ESRRG: variants seen among roughly 807,000 people sequenced by gnomAD.
ESRRG encodes estrogen-related receptor gamma.
A neutral mutation model predicts 44.0 loss-of-function variants in ESRRG; 13 were observed. The ratio of observed to expected loss-of-function variants is 0.30; its 90% confidence interval spans 0.19 to 0.47. The LOEUF is 0.47. Among genes scored for constraint, ESRRG ranks in the 20% least tolerant of loss-of-function variants. The pLI is 1.00. For missense variants in ESRRG, 395 were observed against 580.6 expected, an observed-to-expected ratio of 0.68 and a Z score of 3.29; for synonymous variants, 215 against 214.6, an observed-to-expected ratio of 1.00 and a Z score of -0.02.
chr1:216,662,617 C>A (rs931865612), intron 2 of ESRRG, among the ~76,000 whole-genome samples: 1 of 147,098 alleles, frequency 6.8e-6, no homozygotes, highest in South Asian at 2.1e-4. Flanking sequence ...GAAAACTTAG[C>A]AGGGAGAGTG....
intron 1 of ESRRG, among the ~76,000 whole-genome samples, chr1:217,085,480 C>CTTT (rs2092021463): frequency 1.4e-4 from 9 of 66,342 alleles, no homozygotes; most frequent in African/African-American, 3.6e-4. Flanking sequence ...CTTTTCTTTT[C>CTTT]ATTTTTTTTT....
intron 1 of ESRRG, among the ~76,000 whole-genome samples, chr1:217,018,337 A>G (rs1248010065): frequency 6.6e-6 from 1 of 152,186 alleles, no homozygotes; most frequent in Non-Finnish European, 1.5e-5. Context: ...AGTCTCCTAG[A>G]CTGGTCCCGT....
chr1:216,750,643 A>G (rs1185201095), intron 2 of ESRRG, among the ~76,000 whole-genome samples: 2 of 152,116 alleles, frequency 1.3e-5, no homozygotes, highest in Non-Finnish European at 2.9e-5. Context: ...CTGACAACCT[A>G]CTGTCCAGTG....
intron 1 of ESRRG, chr1:216,985,947 C>G (rs2074792131): frequency 6.6e-6 from 1 of 152,152 alleles, no homozygotes; most frequent in Non-Finnish European, 1.5e-5. Context: ...AAGACCATGA[C>G]AACTTCTAAA....
chr1:216,734,435 T>C (rs532771593), intron 2 of ESRRG, among the ~76,000 whole-genome samples: 2 of 152,254 alleles, frequency 1.3e-5, no homozygotes, highest in South Asian at 2.1e-4. Flanking sequence ...ATGAGTGTGT[T>C]CTCACTCTGG....
rs1286054859 is a variant in ESRRG, at chr1:216,833,559, A to G, written c.-14+106023T>C. Among the ~76,000 whole-genome samples, 3 of 152,304 alleles carry G rather than the reference A, an allele frequency of 2.0e-5. No individual in the cohort carries two copies. The East Asian group carries it at 5.8e-4, about 29-fold the overall frequency. On this transcript the variant is annotated intron_variant, in intron 2 of 7. Transcript: ENST00000359162. The stretch of plus-strand genomic sequence containing the variant: ...CGTTTCTGTGACAAATTTGACACAC[A>G]AAATTAGCCAATTAGTACCATCATT...
intron 2 of ESRRG, chr1:216,865,312 G>A (rs2096135239): frequency 1.3e-5 from 2 of 151,458 alleles, no homozygotes; most frequent in South Asian, 2.1e-4. Context: ...GAAGGACAAA[G>A]CGGCCGTTTG....
chr1:216,610,209 C>CTTTTTTTTTTTT (rs77574879), intron 3 of ESRRG, among the ~76,000 whole-genome samples: 1 of 140,284 alleles, frequency 7.1e-6, no homozygotes, highest in African/African-American at 2.7e-5. Flanking sequence ...AAATTCAGTG[C>CTTTTTTTTTTTT]TTTTTTTTTT....
chr1:216,785,457 A>G (rs534566859), intron 2 of ESRRG, among the ~76,000 whole-genome samples: 3 of 152,174 alleles, frequency 2.0e-5, no homozygotes, highest in African/African-American at 7.2e-5. Flanking sequence ...TCACGGTGTT[A>G]GGGCACAGTC....
chr1:216,924,308 A>G (rs1011196320), intron 2 of ESRRG, among the ~76,000 whole-genome samples: 1 of 152,164 alleles, frequency 6.6e-6, no homozygotes, highest in Admixed American at 6.5e-5. Context: ...CTATCCTAAC[A>G]TGCAGATTTC....
intron 2 of ESRRG, among the ~76,000 whole-genome samples, chr1:216,861,348 A>G (rs1577346800): frequency 6.6e-6 from 1 of 152,094 alleles, no homozygotes; most frequent in East Asian, 1.9e-4. Flanking sequence ...TATATTTGTA[A>G]ATAGCTAAAA....
intron 3 of ESRRG, among the ~76,000 whole-genome samples, chr1:216,596,559 C>G (rs775630167): frequency 9.2e-5 from 14 of 152,130 alleles, no homozygotes; most frequent in Non-Finnish European, 1.9e-4. Flanking sequence ...GGAGAACAGA[C>G]CAGCTATCTC....
chr1:217,097,533 G>C (rs2092440828), intron 1 of ESRRG, among the ~76,000 whole-genome samples: 2 of 152,176 alleles, frequency 1.3e-5, no homozygotes, highest in Admixed American at 6.5e-5. Flanking sequence ...TAAATGTAAA[G>C]GAGGGCTGCA....
chr1:217,112,958 A>T (rs2092676512), intron 1 of ESRRG, among the ~76,000 whole-genome samples: 1 of 152,220 alleles, frequency 6.6e-6, no homozygotes, highest in Non-Finnish European at 1.5e-5. Flanking sequence ...ACAGATAAGG[A>T]TGTATCTTAA....
intron 1 of ESRRG, among the ~76,000 whole-genome samples, chr1:216,947,209 T>A (rs1314391801): frequency 6.6e-6 from 1 of 152,132 alleles, no homozygotes; most frequent in African/African-American, 2.4e-5. Flanking sequence ...AAGTGGCATC[T>A]GTCTTCTCGG....
chr1:216,689,668 T>G (rs944239037), intron 1 of ESRRG, among the ~76,000 whole-genome samples: 3 of 152,094 alleles, frequency 2.0e-5, no homozygotes, highest in Admixed American at 2.0e-4. Context: ...GAAGATAAAC[T>G]GTTTTATAAC....
intron 3 of ESRRG, among the ~76,000 whole-genome samples, chr1:216,588,666 AC>A (rs2057107978): frequency 1.3e-5 from 2 of 152,234 alleles, no homozygotes; most frequent in African/African-American, 4.8e-5. Context: ...TAAGCAATTC[AC>A]GATTAATACT....
chr1:216,655,330 T>C (rs746720814), intron 2 of ESRRG, among the ~76,000 whole-genome samples: 5 of 151,860 alleles, frequency 3.3e-5, no homozygotes, highest in Non-Finnish European at 7.4e-5. Flanking sequence ...TACATTTTAG[T>C]GGGTGGTGTC....
chr1:216,891,165 GC>G (rs779726418), intron 2 of ESRRG, among the ~76,000 whole-genome samples: 2 of 152,134 alleles, frequency 1.3e-5, no homozygotes, highest in Non-Finnish European at 2.9e-5. Flanking sequence ...AACGCTGTCT[GC>G]CGACAGATTA....
Sources: allele counts gnomAD v4.1 joint callset (sites outside exome capture counted in the v4.1 genomes callset), GRCh38; gene constraint gnomAD v4.1.1; transcripts MANE v1.5; gene names NCBI Gene and HGNC (gene_info 2026-07-23, HGNC 2026-07-21).